The following DACH2 variants were observed in gnomAD, a reference collection of about 807,000 sequenced individuals.
The protein encoded by DACH2 is dachshund homolog 2.
Under a neutral mutation model 35.8 loss-of-function variants are expected in DACH2, and 17 were observed. The ratio of observed to expected loss-of-function variants is 0.48; its 90% CI spans 0.33 to 0.71. The LOEUF (loss-of-function observed/expected upper bound fraction) is 0.71. Among genes scored for constraint, DACH2 ranks in the 30% least tolerant of loss-of-function variants. DACH2 has a pLI of 0.02. For synonymous variants in DACH2, 195 were observed against 177.3 expected, an observed-to-expected ratio of 1.10 and a Z score of -0.79; for missense variants, 469 against 472.7, an observed-to-expected ratio of 0.99 and a Z score of 0.07.
At chrX:86,242,722 G>A (rs2033192900) in intron 1 of DACH2, among the ~76,000 whole-genome samples, 1 of 111,343 alleles carries the variant, frequency 9.0e-6, no homozygotes, top group Non-Finnish European at 1.9e-5. Flanking sequence ...TAATCCCCAC[G>A]TGTCAGGGGA....
At chrX:86,370,715 T>C (rs936932327) in intron 1 of DACH2, among the ~76,000 whole-genome samples, 1 of 111,921 alleles carries the variant, frequency 8.9e-6, no homozygotes, top group Admixed American at 9.5e-5. Flanking sequence ...ATTTTAACGT[T>C]TAAAGCTTTA....
At chrX:86,204,404 T>C (rs941795997) in intron 1 of DACH2, among the ~76,000 whole-genome samples, 6 of 111,699 alleles carry the variant, frequency 5.4e-5, no homozygotes, top group African/African-American at 1.6e-4. Flanking sequence ...ATAAAAGCAA[T>C]TGTTGTTTGG....
chrX:86,157,176 A>T (rs1031116527), intron 1 of DACH2, among the ~76,000 whole-genome samples: 3 of 111,642 alleles, frequency 2.7e-5, no homozygotes, highest in Non-Finnish European at 5.7e-5. Flanking sequence ...AATAAGCCAC[A>T]GTATTTTTAT....
intron 7 of DACH2, among the ~76,000 whole-genome samples, chrX:86,807,941 C>G (rs2042360040): frequency 3.6e-5 from 4 of 111,974 alleles, no homozygotes; most frequent in South Asian, 7.4e-4. Flanking sequence ...AGCAACGAAG[C>G]TTTTCTTGTT....
intron 1 of DACH2, among the ~76,000 whole-genome samples, chrX:86,175,628 A>C (rs189977130): frequency 1.5e-4 from 17 of 111,989 alleles, no homozygotes; most frequent in Non-Finnish European, 2.4e-4. Context: ...GTGTGACAGA[A>C]GAGTATTGCT....
At chrX:86,443,102 C>T (rs931918666) in intron 2 of DACH2, among the ~76,000 whole-genome samples, 4 of 111,330 alleles carry the variant, frequency 3.6e-5, no homozygotes, top group African/African-American at 1.3e-4. Context: ...TTATCTATTT[C>T]CATAAGAAAT....
intron 1 of DACH2, among the ~76,000 whole-genome samples, chrX:86,183,454 T>A (rs5968818): frequency 0.071 from 7,901 of 112,032 alleles, 692 homozygotes; most frequent in African/African-American, 0.24. Flanking sequence ...TGTCATTGGT[T>A]CTGTTTATGT....
In DACH2 at chrX:86,616,157, T is replaced by A. The variant is rs187712063; in HGVS notation, c.641-34879T>A. On this transcript the variant is annotated intron_variant, in intron 3 of 11. Transcript: ENST00000373125. ...ATGGTGTATCTGAACCATATTTTTT[T>A]AATTCAATCTGTCATTGATGGACAT... 3.6e-3 allele frequency among the ~76,000 whole-genome samples: 406 copies of A among 112,076 alleles called. 2 individuals are homozygous for A. Among genetic ancestry groups the A allele is most frequent in the African/African-American group, 0.012 (384 of 30,910 alleles).
At position 86,631,245 on chromosome X, in the gene DACH2, G is replaced by T. The variant is rs771290035; in HGVS notation, c.641-19791G>T. Among the ~76,000 whole-genome samples the T allele has an allele frequency of 2.4e-4, 27 of 111,961 alleles. No homozygotes were observed. In the South Asian group the frequency reaches 3.0e-3, roughly 12 times the overall value. ...GGTTTCTTTGCTCTTTCAGTCTCCAGTATTTTTCTGAGTAGGATTCAGAGC... is the reference window on the plus strand; with the variant it reads ...GGTTTCTTTGCTCTTTCAGTCTCCATTATTTTTCTGAGTAGGATTCAGAGC... On this transcript the variant is annotated intron_variant, in intron 3 of 11. Transcript: ENST00000373125.
intron 1 of DACH2, among the ~76,000 whole-genome samples, chrX:86,338,429 A>G (rs776382247): frequency 4.5e-5 from 5 of 111,939 alleles, no homozygotes; most frequent in Admixed American, 9.6e-5. Context: ...CTGCACAACT[A>G]CATGGAAACT....
chrX:86,486,235 T>C (rs2038017206), intron 2 of DACH2, among the ~76,000 whole-genome samples: 1 of 111,633 alleles, frequency 9.0e-6, no homozygotes. Context: ...TTCTATTCAA[T>C]CTTGAGACCT....
chrX:86,700,955 G>A (rs927566233), intron 5 of DACH2, among the ~76,000 whole-genome samples: 12 of 111,721 alleles, frequency 1.1e-4, no homozygotes, highest in East Asian at 5.6e-4. Flanking sequence ...TACAGAAAAT[G>A]TTCCAAAAAA....
In DACH2 at chrX:86,253,259, G is replaced by A. The variant is rs767832686; in HGVS notation, c.488+104151G>A. 9.0e-5 allele frequency among the ~76,000 whole-genome samples: 10 copies of A among 111,468 alleles called. No homozygotes were observed. The South Asian group carries it at 3.7e-3, about 41-fold the overall frequency. On this transcript the variant is annotated intron_variant, in intron 1 of 11. Transcript: ENST00000373125. ...TCTACAAGGAAAACTACAAAACAGT[G>A]CTGAAAGAAATCATAGACGACACAA...
chrX:86,806,042 G>GT, intron 7 of DACH2, among the ~76,000 whole-genome samples: 1 of 111,018 alleles, frequency 9.0e-6, no homozygotes, highest in East Asian at 2.8e-4. Flanking sequence ...CTGCTTCCAC[G>GT]TTTTTAGGTA....
intron 1 of DACH2, among the ~76,000 whole-genome samples, chrX:86,201,580 G>A (rs7060111): frequency 0.06 from 6,641 of 110,676 alleles, 520 homozygotes; most frequent in African/African-American, 0.21. Context: ...GTAGCCATCA[G>A]ATATTTAACT....
chrX:86,582,213 T>C (rs774149178), intron 3 of DACH2, among the ~76,000 whole-genome samples: 5 of 110,976 alleles, frequency 4.5e-5, no homozygotes, highest in Admixed American at 9.7e-5. Context: ...AGGAGTGTTA[T>C]AGAGGAAAAT....
intron 3 of DACH2, among the ~76,000 whole-genome samples, chrX:86,642,005 CACTT>C (rs750105313): frequency 1.6e-3 from 174 of 111,747 alleles, no homozygotes; most frequent in Middle Eastern, 9.3e-3. Flanking sequence ...GACAAAAACA[CACTT>C]AAACACACAG....
At chrX:86,552,753 T>TA (rs1481810714) in intron 3 of DACH2, among the ~76,000 whole-genome samples, 3 of 111,551 alleles carry the variant, frequency 2.7e-5, no homozygotes, top group Admixed American at 9.6e-5. Context: ...ATACAATGGT[T>TA]ATTTTTTTTT....
At chrX:86,594,203 A>T (rs929879020) in intron 3 of DACH2, among the ~76,000 whole-genome samples, 11 of 110,765 alleles carry the variant, frequency 9.9e-5, no homozygotes, top group Non-Finnish European at 1.7e-4. Context: ...CTGTCTTCTC[A>T]TTTTTTATAT....
Sources: allele counts gnomAD v4.1 joint callset (sites outside exome capture counted in the v4.1 genomes callset), GRCh38; gene constraint gnomAD v4.1.1; transcripts MANE v1.5; gene names NCBI Gene and HGNC (gene_info 2026-07-23, HGNC 2026-07-21).